TXLNB: variants seen among roughly 807,000 people sequenced by gnomAD.
The protein encoded by TXLNB is taxilin beta, also known as beta-taxilin.
Under a neutral mutation model 57.4 loss-of-function variants are expected in TXLNB, and 37 were observed. That is an observed-to-expected ratio of 0.64 (90% CI 0.50 to 0.85). TXLNB has a LOEUF of 0.85. TXLNB is among the 40% of genes least tolerant of loss of function. The probability of loss-of-function intolerance (pLI) is 0.00; values close to 1 mark genes in which losing one functional copy is unlikely to be tolerated. For synonymous variants in TXLNB, 302 were observed against 309.6 expected, an observed-to-expected ratio of 0.98 and a Z score of 0.26; for missense variants, 848 against 825.6, an observed-to-expected ratio of 1.03 and a Z score of -0.33.
chr6:139,190,494 A>G, the TXLNB span, among the ~76,000 whole-genome samples: 2 of 151,762 alleles, frequency 1.3e-5, no homozygotes, highest in African/African-American at 2.4e-5. Flanking sequence ...TATTTTTAGT[A>G]GAGACGGGGT....
intron 1 of TXLNB, among the ~76,000 whole-genome samples, chr6:139,291,111 T>C (rs898994974): frequency 6.6e-6 from 1 of 152,234 alleles, no homozygotes; most frequent in African/African-American, 2.4e-5. Flanking sequence ...CACTCATCTA[T>C]ATATAACTTA....
At chr6:139,174,569 G>GGGT in the TXLNB span, 1 of 1,604,234 alleles carries the variant, frequency 6.2e-7, no homozygotes, top group Non-Finnish European at 8.5e-7. Flanking sequence ...AGGGAGCAGT[G>GGGT]GGTGATATTA....
At chr6:139,188,866 T>C in the TXLNB span, among the ~76,000 whole-genome samples, 2 of 152,246 alleles carry the variant, frequency 1.3e-5, no homozygotes, top group African/African-American at 2.4e-5. Flanking sequence ...GCAATTCTCC[T>C]GTCTCAGCCT....
chr6:139,268,099 G>A (rs1196588623), intron 4 of TXLNB, among the ~76,000 whole-genome samples: 3 of 144,092 alleles, frequency 2.1e-5, no homozygotes, highest in Admixed American at 7.2e-5. Flanking sequence ...GCAGTGAGCC[G>A]AGATTGCACC....
At chr6:139,280,266 A>G (rs6931959) in intron 2 of TXLNB, among the ~76,000 whole-genome samples, 46,409 of 146,390 alleles carry the variant, frequency 0.32, 7,678 homozygotes, top group South Asian at 0.35. Context: ...AAAAAAAAAA[A>G]AAAAAAAAAG....
chr6:139,177,167 A>G, the TXLNB span: 1 of 697,942 alleles, frequency 1.4e-6, no homozygotes, highest in Non-Finnish European at 2.5e-6. The surrounding 1 kb of genome is among the most constrained non-coding windows in gnomAD (Gnocchi z 4.9). Flanking sequence ...CATATCTTTT[A>G]TAGGGAAACA....
the TXLNB span, among the ~76,000 whole-genome samples, chr6:139,306,132 C>T: frequency 6.6e-6 from 1 of 152,234 alleles, no homozygotes; most frequent in Middle Eastern, 3.4e-3. Context: ...CAGTGCCTGG[C>T]CCAGAGTCAG....
In TXLNB at chr6:139,284,629, C is replaced by CT. The variant is rs763859723; in HGVS notation, c.424+3846dup. Reference sequence around the variant, plus strand: ...CAAAGAAACTAGAATGTGCACAGGCCTTGTGGGAGATGGCGTATAGCATGT... The same window carrying CT: ...CAAAGAAACTAGAATGTGCACAGGCCTTTGTGGGAGATGGCGTATAGCATGT... On this transcript the variant is annotated intron_variant, in intron 2 of 9. Coordinates refer to ENST00000358430, the MANE Select transcript of TXLNB (RefSeq NM_153235.4). Among the ~76,000 whole-genome samples the CT allele has an allele frequency of 1.0e-4, 15 of 145,670 alleles. 2 individuals carry two copies. The highest frequency in any genetic ancestry group is 1.8e-4 in the Non-Finnish European group (12 of 65,442).
At chr6:139,253,963 C>A (rs1434507378) in intron 7 of TXLNB, among the ~76,000 whole-genome samples, 1 of 152,170 alleles carries the variant, frequency 6.6e-6, no homozygotes, top group Non-Finnish European at 1.5e-5. Flanking sequence ...GTCACACCCC[C>A]TTTCCTTCTG....
intron 6 of TXLNB, among the ~76,000 whole-genome samples, chr6:139,259,422 G>C (rs1452783522): frequency 1.3e-5 from 2 of 152,162 alleles, no homozygotes; most frequent in Non-Finnish European, 2.9e-5. Flanking sequence ...ACCTTTTCCT[G>C]TTTCTGGAGC....
intron 7 of TXLNB, among the ~76,000 whole-genome samples, chr6:139,249,161 G>T (rs762489408): frequency 2.6e-5 from 4 of 152,224 alleles, no homozygotes; most frequent in Non-Finnish European, 4.4e-5. Context: ...CTTAATTCAA[G>T]TGCTTGCATT....
At chr6:139,213,235 C>G in the TXLNB span, among the ~76,000 whole-genome samples, 3 of 152,186 alleles carry the variant, frequency 2.0e-5, no homozygotes, top group Non-Finnish European at 4.4e-5. Context: ...AAGTAAAACA[C>G]TCCTCAGCAA....
chr6:139,252,884 G>A (rs1446005482), intron 7 of TXLNB, among the ~76,000 whole-genome samples: 19 of 152,192 alleles, frequency 1.2e-4, no homozygotes, highest in African/African-American at 3.6e-4. Context: ...CCGGCTACTC[G>A]GGAGGCTGAG....
the TXLNB span, among the ~76,000 whole-genome samples, chr6:139,307,639 G>A: frequency 6.6e-6 from 1 of 152,022 alleles, no homozygotes; most frequent in African/African-American, 2.4e-5. Flanking sequence ...TAGTTTTCTT[G>A]CCTATATAGA....
chr6:139,198,520 G>A, the TXLNB span, among the ~76,000 whole-genome samples: 1 of 150,140 alleles, frequency 6.7e-6, no homozygotes, highest in Non-Finnish European at 1.5e-5. Flanking sequence ...ATAAGCTGTT[G>A]TGTTGGTTAT....
the TXLNB span, among the ~76,000 whole-genome samples, chr6:139,189,914 G>C: frequency 6.6e-6 from 1 of 152,194 alleles, no homozygotes; most frequent in Admixed American, 6.5e-5. Context: ...GGCAGGGACT[G>C]TCTTTGACAA....
chr6:139,318,842 T>C, the TXLNB span, among the ~76,000 whole-genome samples: 2 of 152,080 alleles, frequency 1.3e-5, no homozygotes, highest in East Asian at 3.8e-4. Context: ...TTGATATAAA[T>C]GAATAAACTA....
At chr6:139,209,636 A>G in the TXLNB span, among the ~76,000 whole-genome samples, 1 of 152,224 alleles carries the variant, frequency 6.6e-6, no homozygotes, top group Non-Finnish European at 1.5e-5. Flanking sequence ...CTATTCAATA[A>G]AAGGTGCTAG....
downstream of TXLNB, chr6:139,237,412 G>C: frequency 6.6e-6 from 1 of 151,844 alleles, no homozygotes; most frequent in Non-Finnish European, 1.5e-5. Flanking sequence ...GGCTGAGGCA[G>C]GAGAATCGCT....
Sources: gnomAD v4.1 joint callset for allele counts (sites outside exome capture counted in the v4.1 genomes callset) on GRCh38, gnomAD v4.1.1 for gene constraint, Gnocchi (gnomAD v3.1) non-coding constraint, MANE v1.5 for transcripts, NCBI Gene and HGNC (gene_info 2026-07-23, HGNC 2026-07-21) for gene names.